OTOS: variants seen among roughly 807,000 people sequenced by gnomAD.
The protein encoded by OTOS is otospiralin.
OTOS carries 14 observed loss-of-function variants against 12.5 expected under a neutral mutation model. That is an observed-to-expected ratio of 1.12 (90% CI 0.74 to 1.76). The LOEUF (loss-of-function observed/expected upper bound fraction) is 1.76, where lower values mean the gene tolerates loss of function less well. OTOS is among the 40% of genes most tolerant of loss of function. OTOS has a pLI of 0.00. For synonymous variants in OTOS, 49 were observed against 47.6 expected, an observed-to-expected ratio of 1.03 and a Z score of -0.12; for missense variants, 141 against 112.8, an observed-to-expected ratio of 1.25 and a Z score of -1.13.
At chr2:240,139,440 A>G (rs996558010) in intron 3 of OTOS, 86 bp from the exon 4 acceptor site, 2 of 1,414,056 alleles carry the variant, frequency 1.4e-6, no homozygotes, top group Middle Eastern at 3.7e-4. Context: ...AGGCAAGTGG[A>G]TGGTTCCCAG....
intron 3 of OTOS, 108 bp from the exon 4 acceptor site, chr2:240,139,462 G>T: frequency 2.5e-6 from 3 of 1,177,186 alleles, no homozygotes; most frequent in Non-Finnish European, 3.6e-6. Flanking sequence ...TCTACCTACA[G>T]TGATACAACC....
At chr2:240,140,543 T>C in intron 1 of OTOS, 77 bp downstream of exon 1, 1 of 568,968 alleles carries the variant, frequency 1.8e-6, no homozygotes, top group Non-Finnish European at 3.1e-6. Flanking sequence ...GTGAAATCCC[T>C]GCCTCAATTG....
chr2:240,140,117 A>G, intron 2 of OTOS, 29 bp from the exon 3 acceptor site: 5 of 1,612,676 alleles, frequency 3.1e-6, no homozygotes, highest in Non-Finnish European at 4.2e-6. Flanking sequence ...GCTGTCACCC[A>G]GGAGGACCAC....
rs375017892 is a variant in OTOS, at chr2:240,140,079, G to A, written c.68C>T (p.Pro23Leu). ...AACGGTACCTCCTTCCTCCTGCACA[G>A]GCTTGGCCCCTGCAAAGGAAGAGAA... is the stretch of plus-strand genomic sequence containing the variant. ...LLLGPLAGAK[P>L]VQEEGDPYAE... The change falls in exon 3 of 4, where the codon CCT (proline) becomes CTT (leucine). Residue 23 changes from proline to leucine, a missense_variant. Coordinates refer to ENST00000319460, the MANE Select transcript of OTOS (RefSeq NM_148961.4). 3 of 1,613,448 alleles carry A rather than the reference G, an allele frequency of 1.9e-6. No homozygotes were observed. Among genetic ancestry groups the A allele is most frequent in the Non-Finnish European group, 2.5e-6 (3 of 1,179,818 alleles).
chr2:240,140,394 C>T lies in OTOS; in HGVS notation c.-68G>A, dbSNP rs1348047609. The stretch of plus-strand genomic sequence containing the variant: ...CAGGATGAACCCAGGAAGGGCGAGA[C>T]CACCCATCCGTCAGGGCCGGCTTCC... On this transcript the variant is annotated 5_prime_UTR_variant, in exon 2 of 4. Coordinates refer to ENST00000319460, the MANE Select transcript of OTOS (RefSeq NM_148961.4). 1 of 1,481,800 alleles carries T rather than the reference C, an allele frequency of 6.7e-7. No individual in the cohort carries two copies. The highest frequency in any genetic ancestry group is 9.1e-7 in the Non-Finnish European group (1 of 1,102,890). The allele number at this position is 1,481,800 out of a possible 1,614,324, so 91.8% of individuals were successfully genotyped here. A position where few individuals can be genotyped will look rare whatever the true frequency, so the allele number is the denominator to read the frequency against.
intron 2 of OTOS, 23 bp from the exon 3 acceptor site, chr2:240,140,111 T>A (rs755071480): frequency 2.0e-5 from 32 of 1,612,946 alleles, no homozygotes; most frequent in East Asian, 1.1e-4. Context: ...AGAAGAGCTG[T>A]CACCCAGGAG....
chr2:240,139,457 C>T, intron 3 of OTOS, 103 bp from the exon 4 acceptor site: 1 of 1,243,072 alleles, frequency 8.0e-7, no homozygotes, highest in South Asian at 1.5e-5. Flanking sequence ...CCAGCTCTAC[C>T]TACAGTGATA....
At chr2:240,139,950 G>C in intron 3 of OTOS, 112 bp downstream of exon 3, 1 of 1,270,712 alleles carries the variant, frequency 7.9e-7, no homozygotes, top group Non-Finnish European at 1.1e-6. Context: ...GCTGAGCCAG[G>C]GCCCCTGATG....
intron 3 of OTOS, 97 bp downstream of exon 3, chr2:240,139,965 T>G (rs2291769): frequency 0.18 from 260,934 of 1,428,684 alleles, 24,835 homozygotes; most frequent in Non-Finnish European, 0.2. Flanking sequence ...CTGATGCGTC[T>G]GCTTGGGATA....
rs377354997 is a variant in OTOS, at chr2:240,139,140, G to A, written c.*30C>T. 12 of 1,599,922 alleles carry A rather than the reference G, an allele frequency of 7.5e-6. No individual in the cohort carries two copies. In the South Asian group the frequency reaches 7.8e-5, roughly 10 times the overall value. ...GAGGCCCGACCGAGTGCAGCCTGGCGGGGTGGGCGGGCACCAGGCTGGACA... is the reference window on the plus strand; with the variant it reads ...GAGGCCCGACCGAGTGCAGCCTGGCAGGGTGGGCGGGCACCAGGCTGGACA... On this transcript the variant is annotated 3_prime_UTR_variant, in exon 4 of 4. Coordinates refer to ENST00000319460, the MANE Select transcript of OTOS (RefSeq NM_148961.4).
In OTOS at chr2:240,140,446, T is replaced by TG. The variant is rs953764562; in HGVS notation, c.-118-3dup. On this transcript the variant is annotated splice_region_variant and splice_polypyrimidine_tract_variant and intron_variant, in intron 1 of 3. Coordinates refer to ENST00000319460, the MANE Select transcript of OTOS (RefSeq NM_148961.4). ...CTACCAGTCCCAGTGTGGGCAGCCC[T>TG]GGGGAAAATGGCATGGATTTAAAAA... 6.4e-5 allele frequency: 64 copies of TG among 999,220 alleles called. No homozygotes were observed. The highest frequency in any genetic ancestry group is 8.3e-5 in the Non-Finnish European group (59 of 709,278). 61.9% of individuals were successfully genotyped at this position (999,220 alleles called of 1,614,324 possible). A position where few individuals can be genotyped will look rare whatever the true frequency, so the allele number is the denominator to read the frequency against.
At position 240,139,291 on chromosome 2, in the gene OTOS, T is replaced by C; in HGVS notation, c.149A>G (p.Tyr50Cys). Reference sequence around the variant, plus strand: ...CCCCAGGGCCTGGAAGTGCTGCACATAGTTCCAGAAGTCAGAGGTGGAGAA... The same window carrying C: ...CCCCAGGGCCTGGAAGTGCTGCACACAGTTCCAGAAGTCAGAGGTGGAGAA... ...WPFSTSDFWN[Y>C]VQHFQALGAY... Residue 50 changes from tyrosine (Y) to cysteine (C), a missense_variant, in exon 4 of 4, where the codon TAT becomes TGT. By Grantham distance (194) the Tyr-to-Cys change is radical. Transcript: ENST00000319460. The C allele has an allele frequency of 6.2e-7, 1 of 1,614,100 alleles. No individual in the cohort carries two copies. The highest frequency in any genetic ancestry group is 8.5e-7 in the Non-Finnish European group (1 of 1,179,998).
In OTOS at chr2:240,139,286, G is replaced by A. The variant is rs368854932; in HGVS notation, c.154C>T (p.Gln52Ter). Residue 52 changes from glutamine to a stop codon, truncating the protein, a stop_gained, in exon 4 of 4, where the codon CAG becomes TAG. Transcript: ENST00000319460. LOFTEE classifies it high-confidence loss of function. ...FSTSDFWNYV[Q>*]HFQALGAYPQ... ...TAGGCCCCCAGGGCCTGGAAGTGCT[G>A]CACATAGTTCCAGAAGTCAGAGGTG... 1.7e-5 allele frequency: 27 copies of A among 1,614,058 alleles called. No individual in the cohort carries two copies. Among genetic ancestry groups the A allele is most frequent in the East Asian group, 4.5e-5 (2 of 44,880 alleles).
In OTOS at chr2:240,140,206, G is replaced by A. The variant is rs2072043158; in HGVS notation, c.58+63C>T. 7 of 1,588,868 alleles carry A rather than the reference G, an allele frequency of 4.4e-6. No homozygotes were observed. The East Asian group carries it at 1.6e-4, about 36-fold the overall frequency. On this transcript the variant is annotated intron_variant, in intron 2 of 3. Transcript: ENST00000319460. ...AGCAGCCTGGGGATGCATGCGGGAG[G>A]GGAGAGAACAGGAGGGCTGTCGGGG...
chr2:240,140,475 A>T, intron 1 of OTOS, 31 bp from the exon 2 acceptor site: 1 of 759,298 alleles, frequency 1.3e-6, no homozygotes, highest in Non-Finnish European at 2.0e-6. Context: ...TTAAAAAAAA[A>T]ATTCTTACTG....
At position 240,139,105 on chromosome 2, in the gene OTOS, C is replaced by T. The variant is rs148318639; in HGVS notation, c.*65G>A. On this transcript the variant is annotated 3_prime_UTR_variant, in exon 4 of 4. Transcript: ENST00000319460. The stretch of plus-strand genomic sequence containing the variant: ...AGGGGCCAGGTTTTTGCGGGGACTC[C>T]ATGCCTGTGGAGGCCCGACCGAGTG... 1,676 of 1,552,282 alleles carry T rather than the reference C, an allele frequency of 1.1e-3. 13 individuals carry two copies. The African/African-American group carries it at 0.02, about 19-fold the overall frequency.
chr2:240,139,347 G>C lies in OTOS; in HGVS notation c.93C>G (p.Tyr31Ter), dbSNP rs779058900. Residue 31 changes from tyrosine (Y) to a stop codon, truncating the protein, a stop_gained, in exon 4 of 4, where the codon TAC becomes TAG. Coordinates refer to ENST00000319460, the MANE Select transcript of OTOS (RefSeq NM_148961.4). LOFTEE classifies it high-confidence loss of function. ...AGTAGGGCATGGCCGGCAGCTCCGC[G>C]TAAGGGTCTGAAAGACACAAGACAC... ...AKPVQEEGDP[Y>*]AELPAMPYWP... 2 of 1,612,560 alleles carry C rather than the reference G, an allele frequency of 1.2e-6. No individual in the cohort carries two copies. The highest frequency in any genetic ancestry group is 2.2e-5 in the South Asian group (2 of 90,922).
chr2:240,140,053 G>T lies in OTOS; in HGVS notation c.85+9C>A. ...TGCAAATGAAAGGAAAGAAATTGGA[G>T]AACGGTACCTCCTTCCTCCTGCACA... On this transcript the variant is annotated intron_variant, in intron 3 of 3. Transcript: ENST00000319460. 2 of 1,612,928 alleles carry T rather than the reference G, an allele frequency of 1.2e-6. No homozygotes were observed. Among genetic ancestry groups the T allele is most frequent in the Non-Finnish European group, 1.7e-6 (2 of 1,179,502 alleles).
intron 2 of OTOS, 44 bp downstream of exon 2, chr2:240,140,225 G>A: frequency 6.3e-7 from 1 of 1,584,408 alleles, no homozygotes; most frequent in Non-Finnish European, 8.6e-7. Flanking sequence ...CAGGAGGGCT[G>A]TCGGGGGTCC....
Sources: gnomAD v4.1 joint callset for allele counts on GRCh38, gnomAD v4.1.1 for gene constraint, MANE v1.5 for transcripts, NCBI Gene and HGNC (gene_info 2026-07-23, HGNC 2026-07-21) for gene names.